The following MAGI1 variants were observed in gnomAD, a reference collection of about 807,000 sequenced individuals.
MAGI1 encodes the protein membrane associated guanylate kinase, WW and PDZ domain containing 1.
A neutral mutation model predicts 139.9 loss-of-function variants in MAGI1; 58 were observed. That is an observed-to-expected ratio of 0.41 (90% CI 0.34 to 0.52). The LOEUF is 0.52. Among genes scored for constraint, MAGI1 ranks in the 20% least tolerant of loss-of-function variants. MAGI1 has a pLI of 0.12. For synonymous variants in MAGI1, 812 were observed against 737.9 expected (o/e 1.10, Z -1.63); for missense variants, 1,874 against 1,901.6 (o/e 0.99, Z 0.27).
chr3:65,421,149 T>C (rs918358134), intron 12 of MAGI1, among the ~76,000 whole-genome samples: 1 of 152,194 alleles, frequency 6.6e-6, no homozygotes, highest in Non-Finnish European at 1.5e-5. Flanking sequence ...TCATCTCAAA[T>C]ATAAATGTGA....
chr3:65,675,293 C>T (rs539750082), intron 1 of MAGI1, among the ~76,000 whole-genome samples: 1 of 152,204 alleles, frequency 6.6e-6, no homozygotes, highest in East Asian at 1.9e-4. Context: ...AAAACAGAAC[C>T]TCCATGGCCT....
intron 1 of MAGI1, among the ~76,000 whole-genome samples, chr3:65,871,032 G>A (rs780019119): frequency 1.9e-4 from 29 of 152,136 alleles, no homozygotes; most frequent in Middle Eastern, 3.4e-3. Context: ...TCTGCCTCCC[G>A]GATTCAATTG....
At chr3:65,611,015 C>A (rs2083058208) in intron 2 of MAGI1, among the ~76,000 whole-genome samples, 1 of 126,706 alleles carries the variant, frequency 7.9e-6, no homozygotes, top group East Asian at 2.2e-4. Flanking sequence ...TATATACATA[C>A]ATATAGTGTG....
intron 1 of MAGI1, among the ~76,000 whole-genome samples, chr3:65,885,257 TGTG>T (rs2060486149): frequency 6.6e-6 from 1 of 151,508 alleles, no homozygotes; most frequent in Admixed American, 6.6e-5. Flanking sequence ...ATTAGCCCGG[TGTG>T]GTGGTGCGCA....
intron 2 of MAGI1, among the ~76,000 whole-genome samples, chr3:65,612,518 C>A (rs1366527249): frequency 1.3e-5 from 2 of 151,984 alleles, no homozygotes; most frequent in East Asian, 3.9e-4. Flanking sequence ...AAAAATATGT[C>A]ATTGATCATT....
intron 2 of MAGI1, among the ~76,000 whole-genome samples, chr3:65,530,722 T>C (rs1207470580): frequency 7.4e-6 from 1 of 135,408 alleles, no homozygotes; most frequent in Non-Finnish European, 1.5e-5. Context: ...TGTATATATA[T>C]ACACACGTAT....
chr3:65,893,928 C>G (rs905788113), intron 1 of MAGI1: 1 of 152,106 alleles, frequency 6.6e-6, no homozygotes, highest in Non-Finnish European at 1.5e-5. Context: ...GTGTGTTTCA[C>G]CTCCCCTGGA....
intron 1 of MAGI1, chr3:65,913,993 C>G (rs2061783107): frequency 6.6e-6 from 1 of 152,118 alleles, no homozygotes. Context: ...TTAGAAAGGA[C>G]AAAGGGAGAC....
chr3:65,791,878 G>A (rs922000867), intron 1 of MAGI1, among the ~76,000 whole-genome samples: 3 of 152,094 alleles, frequency 2.0e-5, no homozygotes, highest in Non-Finnish European at 1.5e-5. Flanking sequence ...CACAGGCAAT[G>A]CAATTGCCTT....
intron 1 of MAGI1, among the ~76,000 whole-genome samples, chr3:65,741,724 C>A (rs567795443): frequency 1.0e-3 from 157 of 152,200 alleles, no homozygotes; most frequent in African/African-American, 3.5e-3. Context: ...GAGGAATATA[C>A]CCTAGGATCA....
At chr3:65,599,044 C>T (rs1387134078) in intron 2 of MAGI1, among the ~76,000 whole-genome samples, 9 of 152,184 alleles carry the variant, frequency 5.9e-5, no homozygotes. Context: ...CACGTGCAAG[C>T]ATCCTCCAAG....
chr3:65,561,396 G>T (rs2108017358), intron 2 of MAGI1, among the ~76,000 whole-genome samples: 1 of 152,226 alleles, frequency 6.6e-6, no homozygotes, highest in South Asian at 2.1e-4. Flanking sequence ...GGGATTATTT[G>T]CAAAGGCTTG....
chr3:65,767,837 C>T (rs771278471), intron 1 of MAGI1, among the ~76,000 whole-genome samples: 1 of 152,170 alleles, frequency 6.6e-6, no homozygotes, highest in Non-Finnish European at 1.5e-5. Flanking sequence ...CTGCTTTAAC[C>T]CTTACAGGAA....
intron 2 of MAGI1, among the ~76,000 whole-genome samples, chr3:65,500,741 A>C (rs1415062398): frequency 6.6e-6 from 1 of 152,198 alleles, no homozygotes. Flanking sequence ...TTATGGCCAG[A>C]CTGTTAAAGG....
chr3:65,843,854 G>A (rs2058892017), intron 1 of MAGI1: 1 of 188,800 alleles, frequency 5.3e-6, no homozygotes, highest in African/African-American at 2.4e-5. Flanking sequence ...GGTCAAAAAT[G>A]TTTGGGGCTC....
chr3:65,637,554 A>AAAAAAG (rs961819326), intron 1 of MAGI1, among the ~76,000 whole-genome samples: 1 of 130,608 alleles, frequency 7.7e-6, no homozygotes, highest in African/African-American at 3.1e-5. Context: ...CCTGTCTCCA[A>AAAAAAG]AAAAAGAAAG....
At chr3:65,922,876 G>C (rs1026532921) in intron 1 of MAGI1, among the ~76,000 whole-genome samples, 8 of 152,174 alleles carry the variant, frequency 5.3e-5, no homozygotes, top group Non-Finnish European at 1.0e-4. Flanking sequence ...ATAGTCTTTA[G>C]AAGACCCAAC....
chr3:65,611,187 T>C (rs2083074055), intron 2 of MAGI1, among the ~76,000 whole-genome samples: 1 of 141,560 alleles, frequency 7.1e-6, no homozygotes, highest in Non-Finnish European at 1.5e-5. Flanking sequence ...TATACACATA[T>C]GGTATATATG....
At chr3:65,694,358 T>C (rs959439586) in intron 1 of MAGI1, among the ~76,000 whole-genome samples, 131 of 152,274 alleles carry the variant, frequency 8.6e-4, no homozygotes, top group African/African-American at 3.1e-3. Context: ...AGGGCCAGCA[T>C]CTACCCCACC....
Sources: allele counts gnomAD v4.1 joint callset (sites outside exome capture counted in the v4.1 genomes callset), GRCh38; gene constraint gnomAD v4.1.1; transcripts MANE v1.5; gene names NCBI Gene and HGNC (gene_info 2026-07-23, HGNC 2026-07-21).